LRP2: variants seen among roughly 807,000 people sequenced by gnomAD.
LRP2 encodes low-density lipoprotein receptor-related protein 2.
In LRP2, 172 loss-of-function variants were observed where a neutral mutation model predicts 531.0. That is an observed-to-expected ratio of 0.32 (90% CI 0.29 to 0.37). The LOEUF (loss-of-function observed/expected upper bound fraction) is 0.37, where lower values mean the gene tolerates loss of function less well. Among genes scored for constraint, LRP2 ranks in the 10% least tolerant of loss-of-function variants. The pLI, the probability that LRP2 is intolerant of heterozygous loss-of-function variation, is 1.00. For synonymous variants in LRP2, 1,992 were observed against 2,027.6 expected (o/e 0.98, Z 0.47); for missense variants, 5,167 against 5,868.3 (o/e 0.88, Z 3.90).
chr2:169,350,034 T>C (rs1685804673), intron 1 of LRP2, among the ~76,000 whole-genome samples: 1 of 152,070 alleles, frequency 6.6e-6, no homozygotes, highest in Non-Finnish European at 1.5e-5. Context: ...GAGAGGGCAG[T>C]CGGTTGAATC....
At chr2:169,326,206 C>CTCCCCTCTCCCCTCTCCCCTG (rs1685052959) in intron 1 of LRP2, among the ~76,000 whole-genome samples, 1 of 105,388 alleles carries the variant, frequency 9.5e-6, no homozygotes, top group African/African-American at 3.9e-5. Flanking sequence ...CCTCTCCCCT[C>CTCCCCTCTCCCCTCTCCCCTG]TCCCCTCTCC....
In LRP2 at chr2:169,188,174, C is replaced by T. The variant is rs376039022; in HGVS notation, c.9124G>A (p.Gly3042Arg). The T allele has an allele frequency of 1.4e-5, 22 of 1,613,994 alleles. No individual in the cohort carries two copies. The African/African-American group carries it at 1.6e-4, about 12-fold the overall frequency. Residue 3042 changes from glycine to arginine, a missense_variant, in exon 49 of 79, where the codon GGG (glycine) becomes AGG (arginine). Physicochemically the swap from Gly to Arg is moderately radical, Grantham distance 125. Transcript: ENST00000649046. ...CQQNQFTCQN[G>R]RCISKTFVCD... Reference sequence around the variant, plus strand: ...ACGAAGGTTTTACTAATGCAGCGCCCGTTCTGACAGGTAAACTGATTCTGT... The same window carrying T: ...ACGAAGGTTTTACTAATGCAGCGCCTGTTCTGACAGGTAAACTGATTCTGT...
chr2:169,280,589 A>G, intron 10 of LRP2, 70 bp from the exon 11 acceptor site: 1 of 1,459,434 alleles, frequency 6.9e-7, no homozygotes, highest in Non-Finnish European at 9.5e-7. Context: ...CTTACAAATG[A>G]TATGCTTTCT....
At chr2:169,310,938 A>G (rs1684579291) in intron 3 of LRP2, among the ~76,000 whole-genome samples, 1 of 152,048 alleles carries the variant, frequency 6.6e-6, no homozygotes, top group Non-Finnish European at 1.5e-5. Flanking sequence ...GGGAGGGCGT[A>G]TGTGTCAAGG....
At position 169,174,311 on chromosome 2, in the gene LRP2, T is replaced by C. The variant is rs2075250; in HGVS notation, c.10769-147A>G. The C allele has an allele frequency of 0.19, 168,994 of 895,542 alleles. 17,816 individuals carry two copies. Among genetic ancestry groups the C allele is most frequent in the East Asian group, 0.32 (12,009 of 38,000 alleles). The allele number at this position is 895,542 out of a possible 1,614,324, so 55.5% of individuals were successfully genotyped here. ...GTACTTATCAGTCAGTACTACTACATGGAGCACTTCTTCTTTTGACTATTA... is the reference window on the plus strand; with the variant it reads ...GTACTTATCAGTCAGTACTACTACACGGAGCACTTCTTCTTTTGACTATTA... On this transcript the variant is annotated intron_variant, in intron 55 of 78. Transcript: ENST00000649046.
At chr2:169,241,788 T>G (rs1363792616) in intron 24 of LRP2, among the ~76,000 whole-genome samples, 1 of 152,242 alleles carries the variant, frequency 6.6e-6, no homozygotes, top group Non-Finnish European at 1.5e-5. Flanking sequence ...CATATCATGT[T>G]TGGGTGTTAT....
intron 30 of LRP2, 35 bp from the exon 31 acceptor site, chr2:169,231,877 G>C: frequency 1.2e-6 from 2 of 1,611,270 alleles, no homozygotes; most frequent in Non-Finnish European, 1.7e-6. Context: ...CCAGTAAGTG[G>C]AAAACCTCCA....
At chr2:169,247,357 A>C (rs1574177596) in intron 20 of LRP2, 21 bp downstream of exon 20, 1 of 1,613,802 alleles carries the variant, frequency 6.2e-7, no homozygotes, top group Admixed American at 1.7e-5. Context: ...AAAATAAAAA[A>C]AACTGGGCAA....
intron 51 of LRP2, 42 bp from the exon 52 acceptor site, chr2:169,181,660 G>T: frequency 6.3e-7 from 1 of 1,578,548 alleles, no homozygotes; most frequent in Non-Finnish European, 8.7e-7. Flanking sequence ...GATGCCAAAA[G>T]AAGTCAGTAG....
chr2:169,168,766 A>G (rs1686883448), intron 60 of LRP2, 90 bp from the exon 61 acceptor site: 2 of 1,380,842 alleles, frequency 1.4e-6, no homozygotes, highest in Admixed American at 1.8e-5. Context: ...GGCTCTTGCC[A>G]TTATAGCCTG....
chr2:169,352,251 A>G (rs936169108), intron 1 of LRP2, among the ~76,000 whole-genome samples: 1 of 152,130 alleles, frequency 6.6e-6, no homozygotes, highest in African/African-American at 2.4e-5. Context: ...AAAACATACA[A>G]TTAAGACACA....
At chr2:169,242,882 G>T in intron 24 of LRP2, 74 bp downstream of exon 24, 3 of 1,063,368 alleles carry the variant, frequency 2.8e-6, no homozygotes, top group Non-Finnish European at 4.4e-6. Context: ...AAAATGTGTG[G>T]CAATATCAAT....
rs1574064672 is a variant in LRP2, at chr2:169,139,798, T to A, written c.13200-188A>T. The A allele has an allele frequency of 4.4e-6, 3 of 676,474 alleles. No homozygotes were observed. The East Asian group carries it at 8.1e-5, about 18-fold the overall frequency. 41.9% of individuals were successfully genotyped at this position (676,474 alleles called of 1,614,324 possible). A position where few individuals can be genotyped will look rare whatever the true frequency, so the allele number is the denominator to read the frequency against. On this transcript the variant is annotated intron_variant, in intron 72 of 78. Coordinates refer to ENST00000649046, the MANE Select transcript of LRP2 (RefSeq NM_004525.3). ...AAGCAGAAAGAACAGTGCTCTGATT[T>A]TAGAAATGCACTTGTAATGGAGTAG...
intron 1 of LRP2, among the ~76,000 whole-genome samples, chr2:169,361,356 C>CTATG (rs1686150403): frequency 8.7e-6 from 1 of 114,358 alleles, no homozygotes; most frequent in Non-Finnish European, 1.8e-5. Context: ...CTCTGTCTCT[C>CTATG]TCTCTCTCTC....
chr2:169,244,514 T>C (rs1574174004), intron 22 of LRP2, among the ~76,000 whole-genome samples, 179 bp downstream of exon 22: 1 of 152,214 alleles, frequency 6.6e-6, no homozygotes, highest in African/African-American at 2.4e-5. Context: ...AAGAATCCCA[T>C]GTGCAGGCAC....
chr2:169,138,818 C>G (rs1192444722), intron 74 of LRP2, 112 bp from the exon 75 acceptor site: 6 of 1,202,488 alleles, frequency 5.0e-6, no homozygotes, highest in South Asian at 3.9e-5. Flanking sequence ...AAATCTTCCT[C>G]AAATGTAATG....
intron 9 of LRP2, among the ~76,000 whole-genome samples, chr2:169,286,101 G>C (rs930488594): frequency 5.5e-4 from 84 of 152,168 alleles, no homozygotes; most frequent in Non-Finnish European, 8.8e-5. Context: ...TATTTAAAGA[G>C]TTCTCTATAA....
chr2:169,307,222 A>G (rs1266311203), intron 4 of LRP2, 59 bp downstream of exon 4: 6 of 1,147,076 alleles, frequency 5.2e-6, no homozygotes, highest in Non-Finnish European at 8.0e-6. Context: ...CAAATTGATT[A>G]AAATGCCAAA....
At chr2:169,157,140 A>T (rs1368240366) in intron 64 of LRP2, among the ~76,000 whole-genome samples, 1 of 152,102 alleles carries the variant, frequency 6.6e-6, no homozygotes, top group Non-Finnish European at 1.5e-5. Flanking sequence ...AATTCCACAG[A>T]CTCTACTGAG....
Sources: allele counts gnomAD v4.1 joint callset (sites outside exome capture counted in the v4.1 genomes callset), GRCh38; gene constraint gnomAD v4.1.1; transcripts MANE v1.5; gene names NCBI Gene and HGNC (gene_info 2026-07-23, HGNC 2026-07-21).